KMT2C: variants seen among roughly 807,000 people sequenced by gnomAD.
KMT2C encodes histone-lysine N-methyltransferase 2C.
In KMT2C, 88 loss-of-function variants were observed where a neutral mutation model predicts 507.9. The observed-to-expected ratio is 0.17, with a 90% CI of 0.15 to 0.21. The LOEUF (loss-of-function observed/expected upper bound fraction) is 0.21, where lower values mean the gene tolerates loss of function less well. KMT2C is among the 10% of genes least tolerant of loss of function. The pLI is 1.00. For missense variants in KMT2C, 4,954 were observed against 5,957.8 expected, an observed-to-expected ratio of 0.83 and a Z score of 5.55; for synonymous variants, 2,049 against 2,080.8, an observed-to-expected ratio of 0.98 and a Z score of 0.42.
intron 1 of KMT2C, among the ~76,000 whole-genome samples, chr7:152,415,260 A>C (rs1392562595): frequency 6.6e-6 from 1 of 152,222 alleles, no homozygotes; most frequent in African/African-American, 2.4e-5. Context: ...TTAGATAGGA[A>C]ATAGGAATGA....
In KMT2C at chr7:152,180,000, C is replaced by A; in HGVS notation, c.7276G>T (p.Glu2426Ter). 1 of 1,614,166 alleles carries A rather than the reference C, an allele frequency of 6.2e-7. No individual in the cohort carries two copies. Among genetic ancestry groups the A allele is most frequent in the Non-Finnish European group, 8.5e-7 (1 of 1,180,030 alleles). Residue 2426 changes from glutamate to a stop codon, truncating the protein, a stop_gained, in exon 37 of 59, where the codon GAG (glutamate) becomes TAG (stop). Coordinates refer to ENST00000262189, the MANE Select transcript of KMT2C (RefSeq NM_170606.3). LOFTEE classifies it high-confidence loss of function. ...CTGGTGAAAGCCTGGTTAACATTCT[C>A]TGGTTGCCAGTGTTGAAGAGGCCCT... ...HPGPLQHWQP[E>*]NVNQAFTRPP...
chr7:152,363,033 T>A (rs2129235520), intron 1 of KMT2C, among the ~76,000 whole-genome samples: 2 of 152,348 alleles, frequency 1.3e-5, no homozygotes, highest in Admixed American at 1.3e-4. Context: ...GTGACTTTTC[T>A]GACTAATCAA....
At chr7:152,421,104 A>C (rs2097774853) in intron 1 of KMT2C, among the ~76,000 whole-genome samples, 1 of 152,186 alleles carries the variant, frequency 6.6e-6, no homozygotes. Context: ...GACACTTCTC[A>C]AAAGAAGACA....
intron 34 of KMT2C, among the ~76,000 whole-genome samples, chr7:152,184,715 C>T (rs1563304438): frequency 1.3e-5 from 2 of 152,192 alleles, no homozygotes; most frequent in Non-Finnish European, 2.9e-5. Context: ...GCTCAAGTCC[C>T]TTATAGAAAA....
intron 23 of KMT2C, among the ~76,000 whole-genome samples, chr7:152,218,414 T>G (rs1399317128): frequency 6.6e-6 from 1 of 152,138 alleles, no homozygotes; most frequent in Non-Finnish European, 1.5e-5. Flanking sequence ...TCCACCCGCC[T>G]TGGCCTCCCA....
chr7:152,255,741 A>C (rs1364997090), intron 9 of KMT2C, among the ~76,000 whole-genome samples: 1 of 152,230 alleles, frequency 6.6e-6, no homozygotes, highest in Admixed American at 6.5e-5. Flanking sequence ...GTAGTCTGGA[A>C]TCTCAAGTCA....
chr7:152,339,992 T>G (rs768788116), intron 2 of KMT2C, among the ~76,000 whole-genome samples: 1 of 152,024 alleles, frequency 6.6e-6, no homozygotes. Context: ...TAATCAACTT[T>G]TTTTTTTAAG....
chr7:152,361,209 T>C (rs538250223), intron 1 of KMT2C, among the ~76,000 whole-genome samples: 8 of 152,320 alleles, frequency 5.3e-5, no homozygotes, highest in South Asian at 2.1e-4. Flanking sequence ...GAAAACACTC[T>C]AAGGTGGATC....
At chr7:152,223,925 T>A (rs2129147592) in intron 20 of KMT2C, 90 bp downstream of exon 20, 2 of 997,096 alleles carry the variant, frequency 2.0e-6, no homozygotes, top group South Asian at 3.7e-5. Flanking sequence ...CTAAAACTTG[T>A]GATTAAGGAA....
At chr7:152,246,752 A>G (rs2095480549) in intron 14 of KMT2C, among the ~76,000 whole-genome samples, 1 of 152,146 alleles carries the variant, frequency 6.6e-6, no homozygotes, top group Non-Finnish European at 1.5e-5. Context: ...TTCATGGTAG[A>G]GCAGAAATAA....
At chr7:152,192,607 A>G (rs1330408959) in intron 31 of KMT2C, among the ~76,000 whole-genome samples, 2 of 152,162 alleles carry the variant, frequency 1.3e-5, no homozygotes, top group Non-Finnish European at 2.9e-5. Flanking sequence ...TGATAAGTAT[A>G]TTACCCAAAT....
chr7:152,240,167 T>A (rs2095357057), intron 14 of KMT2C, among the ~76,000 whole-genome samples: 1 of 152,212 alleles, frequency 6.6e-6, no homozygotes, highest in African/African-American at 2.4e-5. Context: ...CTATGCTGAT[T>A]TCACTGAGCA....
At chr7:152,211,581 G>T (rs1389361170) in intron 23 of KMT2C, among the ~76,000 whole-genome samples, 1 of 152,174 alleles carries the variant, frequency 6.6e-6, no homozygotes, top group Non-Finnish European at 1.5e-5. Context: ...AAAACCAAGA[G>T]AGCACTTTTA....
intron 1 of KMT2C, among the ~76,000 whole-genome samples, chr7:152,397,034 G>A (rs2097541979): frequency 6.6e-6 from 1 of 152,136 alleles, no homozygotes; most frequent in Non-Finnish European, 1.5e-5. Context: ...CTTCAATCTA[G>A]TTTAAAACCT....
Position 152,154,078 on chromosome 7 carries a change from G to A in KMT2C, c.12208C>T (p.Pro4070Ser). ...CCTGATCTGGGACCATTTGGGGAAG[G>A]ACCAAAAGGTGACGCAAAATATAAA... ...GTLYFASPFG[P>S]SPNGPRSGLI... Residue 4070 changes from proline to serine, a missense_variant, in exon 48 of 59, where the codon CCT becomes TCT. Pro to Ser is a moderately conservative substitution (Grantham distance 74). This residue lies in a region of KMT2C where 417 missense variants were observed against 461.1 expected (regional missense o/e 0.90). Transcript: ENST00000262189. 1 of 1,613,516 alleles carries A rather than the reference G, an allele frequency of 6.2e-7. No individual in the cohort carries two copies. The highest frequency in any genetic ancestry group is 8.5e-7 in the Non-Finnish European group (1 of 1,179,482).
intron 43 of KMT2C, among the ~76,000 whole-genome samples, chr7:152,161,788 T>C (rs1587812102): frequency 6.6e-6 from 1 of 152,306 alleles, no homozygotes; most frequent in South Asian, 2.1e-4. Flanking sequence ...TAATCACTTA[T>C]TTACAATAAA....
chr7:152,380,388 T>C (rs1443861925), intron 1 of KMT2C, among the ~76,000 whole-genome samples: 20 of 152,296 alleles, frequency 1.3e-4, no homozygotes, highest in South Asian at 2.1e-4. Context: ...ACCACTATGA[T>C]GAAACCCCAC....
Position 152,234,210 on chromosome 7 carries a change from T to A in KMT2C, c.2769+1607A>T, listed in dbSNP as rs373047708. Among the ~76,000 whole-genome samples the A allele has an allele frequency of 2.0e-5, 3 of 151,444 alleles. No individual in the cohort carries two copies. In the East Asian group the frequency reaches 5.9e-4, roughly 30 times the overall value. On this transcript the variant is annotated intron_variant, in intron 16 of 58. Transcript: ENST00000262189. ...CTGGCCAACATGGTGAAAAACTGTC[T>A]CTACTAAAAATACAAAAAAAAATTA... is the stretch of plus-strand genomic sequence containing the variant.
chr7:152,226,733 CAG>C (rs1303585824), intron 18 of KMT2C, among the ~76,000 whole-genome samples: 1 of 152,018 alleles, frequency 6.6e-6, no homozygotes, highest in Non-Finnish European at 1.5e-5. Flanking sequence ...AGAGAGTAAA[CAG>C]AAAGTTTTGA....
Sources: gnomAD v4.1 joint callset for allele counts (sites outside exome capture counted in the v4.1 genomes callset) on GRCh38, gnomAD v4.1.1 for gene constraint, gnomAD v4.1.1 regional missense constraint, MANE v1.5 for transcripts, NCBI Gene and HGNC (gene_info 2026-07-23, HGNC 2026-07-21) for gene names.